The following RFX7 variants were observed in gnomAD, a reference collection of about 807,000 sequenced individuals.
RFX7 encodes the protein regulatory factor X7.
RFX7 carries 26 observed loss-of-function variants against 111.8 expected under a neutral mutation model. The ratio of observed to expected loss-of-function variants is 0.23; its 90% CI spans 0.17 to 0.32. RFX7 has a LOEUF of 0.32. Among genes scored for constraint, RFX7 ranks in the 10% least tolerant of loss-of-function variants. The pLI is 1.00. For synonymous variants in RFX7, 624 were observed against 624.4 expected, an observed-to-expected ratio of 1.00 and a Z score of 0.01; for missense variants, 1,573 against 1,772.9, an observed-to-expected ratio of 0.89 and a Z score of 2.02.
intron 5 of RFX7, among the ~76,000 whole-genome samples, chr15:56,139,335 A>G (rs1217720165): frequency 1.3e-5 from 2 of 151,980 alleles, no homozygotes; most frequent in African/African-American, 4.8e-5. Context: ...TTTTTTCTCT[A>G]AAATTCCCTT....
intron 3 of RFX7, among the ~76,000 whole-genome samples, chr15:56,157,897 A>G (rs1046023687): frequency 1.2e-4 from 18 of 152,216 alleles, no homozygotes; most frequent in African/African-American, 4.3e-4. Context: ...TATCCTTAAG[A>G]TGGTCATACA....
At chr15:56,236,286 T>A (rs562042681) in intron 2 of RFX7, among the ~76,000 whole-genome samples, 3 of 152,196 alleles carry the variant, frequency 2.0e-5, no homozygotes, top group Non-Finnish European at 2.9e-5. Context: ...TTTATGTGGG[T>A]TGAGTGCCAA....
chr15:56,173,053 A>G (rs2042862787), intron 3 of RFX7, among the ~76,000 whole-genome samples: 1 of 152,354 alleles, frequency 6.6e-6, no homozygotes, highest in African/African-American at 2.4e-5. Context: ...TGTCGTGCAG[A>G]AAGAAGCAAC....
At chr15:56,123,140 GC>G (rs1284270547) in intron 5 of RFX7, among the ~76,000 whole-genome samples, 1 of 152,018 alleles carries the variant, frequency 6.6e-6, no homozygotes, top group Non-Finnish European at 1.5e-5. Flanking sequence ...TTGCCTTGTA[GC>G]CACCACAGCT....
Position 56,234,738 on chromosome 15 carries a change from A to T in RFX7, c.161+8387T>A, listed in dbSNP as rs552343570. On this transcript the variant is annotated intron_variant, in intron 2 of 9. Transcript: ENST00000559447. ...TAAGTTCTTGGTGTTGCCATATAGA[A>T]ATAACATATTTTACTGTCATATTGT... 1.5e-4 allele frequency among the ~76,000 whole-genome samples: 23 copies of T among 152,348 alleles called. No individual in the cohort carries two copies. The South Asian group carries it at 4.8e-3, about 32-fold the overall frequency.
chr15:56,093,705 C>A lies in RFX7; in HGVS notation c.4023G>T (p.Glu1341Asp). 6.2e-7 allele frequency: 1 copy of A among 1,613,724 alleles called. No individual in the cohort carries two copies. Among genetic ancestry groups the A allele is most frequent in the Non-Finnish European group, 8.5e-7 (1 of 1,179,694 alleles). ...GDNQAQSEIG[E>D]QQLDFNSTVK... ...CAGTGCTATTGAAATCTAATTGTTG[C>A]TCTCCAATTTCTGATTGTGCTTGAT... The change falls in exon 10 of 10, where the codon GAG becomes GAT. Residue 1341 changes from glutamate to aspartate, a missense_variant. Physicochemically the swap from Glu to Asp is conservative, Grantham distance 45. Coordinates refer to ENST00000559447, the MANE Select transcript of RFX7 (RefSeq NM_022841.7).
chr15:56,101,623 A>T, intron 7 of RFX7, 57 bp from the exon 8 acceptor site: 1 of 1,416,456 alleles, frequency 7.1e-7, no homozygotes, highest in Non-Finnish European at 9.9e-7. Flanking sequence ...ATTAAATTGA[A>T]GCATGTTAAA....
At chr15:56,207,695 A>C (rs1392586105) in intron 2 of RFX7, among the ~76,000 whole-genome samples, 3 of 152,246 alleles carry the variant, frequency 2.0e-5, no homozygotes, top group African/African-American at 7.2e-5. Context: ...ACTGTTAAGC[A>C]GATTAATTTT....
chr15:56,202,839 T>G (rs2043206843), intron 2 of RFX7, among the ~76,000 whole-genome samples: 1 of 152,154 alleles, frequency 6.6e-6, no homozygotes, highest in South Asian at 2.1e-4. Context: ...GTATAATGAC[T>G]GTCTCAGAGG....
At chr15:56,208,786 C>T (rs1160428467) in intron 2 of RFX7, among the ~76,000 whole-genome samples, 5 of 152,122 alleles carry the variant, frequency 3.3e-5, no homozygotes, top group Non-Finnish European at 5.9e-5. Context: ...AGGCTGGACA[C>T]AGCTGAGGTT....
intron 2 of RFX7, among the ~76,000 whole-genome samples, chr15:56,183,697 T>C (rs972430710): frequency 7.9e-5 from 12 of 152,298 alleles, no homozygotes; most frequent in East Asian, 1.9e-4. Flanking sequence ...TCTTGGACCT[T>C]TGTTTTTCCA....
chr15:56,190,091 T>C (rs182199185), intron 2 of RFX7, among the ~76,000 whole-genome samples: 19 of 152,300 alleles, frequency 1.2e-4, no homozygotes, highest in Admixed American at 9.8e-4. Flanking sequence ...CCTAGAAAAG[T>C]TCATTCTATA....
At chr15:56,185,765 G>C (rs78129846) in intron 2 of RFX7, among the ~76,000 whole-genome samples, 111 of 152,158 alleles carry the variant, frequency 7.3e-4, no homozygotes, top group Non-Finnish European at 1.3e-3. Context: ...TTTGTGGTCA[G>C]TCTCCCTTTC....
Position 56,096,566 on chromosome 15 carries a change from C to T in RFX7, c.1162G>A (p.Gly388Ser), listed in dbSNP as rs547408029. Reference protein sequence around the residue: ...TSPSPMSSSDGKVLPLNVQVV... With the variant: ...TSPSPMSSSDSKVLPLNVQVV... The stretch of plus-strand genomic sequence containing the variant: ...TGTACATTGAGGGGAAGAACTTTGC[C>T]GTCAGAAGAACTCATTGGACTCGGT... The change falls in exon 10 of 10, where the codon GGC becomes AGC. Residue 388 changes from glycine to serine, a missense_variant. Coordinates refer to ENST00000559447, the MANE Select transcript of RFX7 (RefSeq NM_022841.7). 2.6e-4 allele frequency: 414 copies of T among 1,598,420 alleles called. 8 individuals are homozygous for T. The South Asian group carries it at 4.4e-3, about 17-fold the overall frequency.
At chr15:56,165,257 T>G (rs1298059779) in intron 3 of RFX7, among the ~76,000 whole-genome samples, 3 of 152,134 alleles carry the variant, frequency 2.0e-5, no homozygotes, top group Non-Finnish European at 4.4e-5. Flanking sequence ...GGAACCCCTG[T>G]TTTAAAGGAT....
chr15:56,213,609 C>T (rs747376188), intron 2 of RFX7, among the ~76,000 whole-genome samples: 3 of 152,046 alleles, frequency 2.0e-5, no homozygotes, highest in Non-Finnish European at 4.4e-5. Context: ...TTGTCTTGAC[C>T]GTATCAATGT....
At chr15:56,130,856 A>C (rs2042202339) in intron 5 of RFX7, among the ~76,000 whole-genome samples, 1 of 152,154 alleles carries the variant, frequency 6.6e-6, no homozygotes, top group South Asian at 2.1e-4. Flanking sequence ...TAAATTTATG[A>C]GAGAAACAAA....
chr15:56,204,748 A>G (rs1199537392), intron 2 of RFX7, among the ~76,000 whole-genome samples: 1 of 152,178 alleles, frequency 6.6e-6, no homozygotes, highest in African/African-American at 2.4e-5. Context: ...ATCTTACCCC[A>G]AATAATCTTA....
chr15:56,134,360 G>A (rs1208335044), intron 5 of RFX7, among the ~76,000 whole-genome samples: 2 of 152,256 alleles, frequency 1.3e-5, no homozygotes, highest in Admixed American at 1.3e-4. Context: ...TGCCTACTAT[G>A]TGGAAATGCT....
Sources: allele counts gnomAD v4.1 joint callset (sites outside exome capture counted in the v4.1 genomes callset), GRCh38; gene constraint gnomAD v4.1.1; transcripts MANE v1.5; gene names NCBI Gene and HGNC (gene_info 2026-07-23, HGNC 2026-07-21).